OPCML: variants seen among roughly 807,000 people sequenced by gnomAD.
OPCML encodes the protein opioid binding protein/cell adhesion molecule like.
In OPCML, 13 loss-of-function variants were observed where a neutral mutation model predicts 37.8. That is an observed-to-expected ratio of 0.34 (90% confidence interval 0.22 to 0.55). The LOEUF (loss-of-function observed/expected upper bound fraction) is 0.55. OPCML is among the 20% of genes least tolerant of loss of function. OPCML has a pLI of 0.91. For missense variants in OPCML, 341 were observed against 435.6 expected, an observed-to-expected ratio of 0.78 and a Z score of 1.93; for synonymous variants, 176 against 168.8, an observed-to-expected ratio of 1.04 and a Z score of -0.33.
At chr11:133,309,804 A>G (rs1233966825) in intron 1 of OPCML, among the ~76,000 whole-genome samples, 3 of 152,190 alleles carry the variant, frequency 2.0e-5, no homozygotes, top group South Asian at 2.1e-4. Context: ...AGCAGAATCC[A>G]TAAGACCAGT....
chr11:132,576,315 C>T (rs1487803740), intron 3 of OPCML, among the ~76,000 whole-genome samples: 1 of 151,360 alleles, frequency 6.6e-6, no homozygotes, highest in Non-Finnish European at 1.5e-5. Flanking sequence ...TTTTAAACTT[C>T]TTTACATTCT....
intron 1 of OPCML, among the ~76,000 whole-genome samples, chr11:132,999,741 C>T (rs1362693530): frequency 2.6e-5 from 4 of 152,132 alleles, no homozygotes; most frequent in Non-Finnish European, 4.4e-5. Flanking sequence ...CTGTAAACAG[C>T]TGGAGTCTCT....
intron 1 of OPCML, among the ~76,000 whole-genome samples, chr11:133,031,298 G>A (rs1356576266): frequency 6.6e-6 from 1 of 152,004 alleles, no homozygotes; most frequent in Non-Finnish European, 1.5e-5. Flanking sequence ...ATGGGTGGAT[G>A]GATAGATGGA....
At chr11:133,155,662 T>C (rs575439073) in intron 1 of OPCML, among the ~76,000 whole-genome samples, 179 of 152,322 alleles carry the variant, frequency 1.2e-3, no homozygotes, top group Non-Finnish European at 2.0e-3. Flanking sequence ...TATATCCATA[T>C]CTACATGCAG....
At chr11:132,919,195 G>T (rs1037442994) in intron 2 of OPCML, among the ~76,000 whole-genome samples, 1 of 152,188 alleles carries the variant, frequency 6.6e-6, no homozygotes, top group African/African-American at 2.4e-5. Context: ...CAGGGCCTCA[G>T]TTTCAGGGAA....
chr11:133,500,571 C>A (rs74780145), intron 1 of OPCML, among the ~76,000 whole-genome samples: 4,336 of 152,300 alleles, frequency 0.028, 193 homozygotes, highest in African/African-American at 0.098. Flanking sequence ...CCCTTCCCAC[C>A]ACCTCCCCTG....
intron 4 of OPCML, among the ~76,000 whole-genome samples, chr11:132,490,194 T>A (rs1264124960): frequency 6.6e-6 from 1 of 151,862 alleles, no homozygotes; most frequent in Non-Finnish European, 1.5e-5. Context: ...TCTTCTCACC[T>A]CTCTTGTAGT....
intron 2 of OPCML, among the ~76,000 whole-genome samples, chr11:132,812,418 C>G (rs934431186): frequency 6.6e-6 from 1 of 152,048 alleles, no homozygotes; most frequent in Non-Finnish European, 1.5e-5. Context: ...AAAGAAATAG[C>G]GTTGACACTC....
intron 4 of OPCML, among the ~76,000 whole-genome samples, chr11:132,480,238 C>G (rs1385588825): frequency 6.6e-6 from 1 of 151,940 alleles, no homozygotes; most frequent in Admixed American, 6.6e-5. Flanking sequence ...GCCTCAGGAG[C>G]CGATGCAATC....
intron 3 of OPCML, among the ~76,000 whole-genome samples, chr11:132,583,907 C>G (rs549643099): frequency 6.6e-6 from 1 of 152,238 alleles, no homozygotes; most frequent in East Asian, 1.9e-4. Flanking sequence ...AACCACTGTG[C>G]CCGGCCTATA....
At chr11:133,138,557 C>A (rs1949725381) in intron 1 of OPCML, among the ~76,000 whole-genome samples, 1 of 152,196 alleles carries the variant, frequency 6.6e-6, no homozygotes, top group Non-Finnish European at 1.5e-5. Flanking sequence ...GAAAATAGGA[C>A]AATCTGCTTA....
chr11:132,449,806 G>A (rs529935071), intron 4 of OPCML, among the ~76,000 whole-genome samples: 3 of 152,248 alleles, frequency 2.0e-5, no homozygotes, highest in South Asian at 2.1e-4. Flanking sequence ...TCTGCAAAAC[G>A]AGGGGATCCG....
intron 4 of OPCML, among the ~76,000 whole-genome samples, chr11:132,454,919 A>C (rs982649132): frequency 2.6e-5 from 4 of 152,188 alleles, no homozygotes; most frequent in Admixed American, 2.6e-4. Context: ...CTGACCCTGG[A>C]CTGAATAAAC....
At chr11:133,466,177 C>T (rs1415995314) in intron 1 of OPCML, among the ~76,000 whole-genome samples, 1 of 152,136 alleles carries the variant, frequency 6.6e-6, no homozygotes, top group African/African-American at 2.4e-5. Context: ...GTAATGTACA[C>T]TTTTTGATGT....
chr11:133,179,680 T>A (rs1198190708), intron 1 of OPCML, among the ~76,000 whole-genome samples: 2 of 152,194 alleles, frequency 1.3e-5, no homozygotes, highest in African/African-American at 4.8e-5. Context: ...ACCACTGATA[T>A]CCTATACACT....
intron 4 of OPCML, among the ~76,000 whole-genome samples, chr11:132,446,870 C>T (rs1027958707): frequency 6.6e-6 from 1 of 152,130 alleles, no homozygotes; most frequent in African/African-American, 2.4e-5. Context: ...ACCTTGTCTG[C>T]AGCAACCTAC....
intron 1 of OPCML, among the ~76,000 whole-genome samples, chr11:133,446,945 G>A (rs147444942): frequency 5.9e-4 from 90 of 152,214 alleles, no homozygotes; most frequent in African/African-American, 2.0e-3. Context: ...GATGATGAAC[G>A]TTTGCACTGT....
At chr11:132,550,514 G>A (rs1591537819) in intron 3 of OPCML, among the ~76,000 whole-genome samples, 1 of 152,150 alleles carries the variant, frequency 6.6e-6, no homozygotes, top group Admixed American at 6.5e-5. Flanking sequence ...TCCCCAAAAA[G>A]CAAGCAATGT....
chr11:133,249,430 A>G (rs1422425197), intron 1 of OPCML, among the ~76,000 whole-genome samples: 2 of 152,112 alleles, frequency 1.3e-5, no homozygotes, highest in Non-Finnish European at 2.9e-5. Context: ...CCATGACCCA[A>G]ATGCCTCCAA....
Sources: gnomAD v4.1 joint callset for allele counts (sites outside exome capture counted in the v4.1 genomes callset) on GRCh38, gnomAD v4.1.1 for gene constraint, MANE v1.5 for transcripts, NCBI Gene and HGNC (gene_info 2026-07-23, HGNC 2026-07-21) for gene names.